The following GPC5 variants were observed in gnomAD, a reference collection of about 807,000 sequenced individuals.
GPC5 encodes the protein glypican-5.
Under a neutral mutation model 53.9 loss-of-function variants are expected in GPC5, and 47 were observed. That is an observed-to-expected ratio of 0.87 (90% confidence interval 0.69 to 1.11). The LOEUF is 1.11. Among genes scored for constraint, GPC5 ranks in the 50% most tolerant of loss-of-function variants. The pLI, the probability that GPC5 is intolerant of heterozygous loss-of-function variation, is 0.00. For missense variants in GPC5, 748 were observed against 713.1 expected, an observed-to-expected ratio of 1.05 and a Z score of -0.56; for synonymous variants, 286 against 263.3, an observed-to-expected ratio of 1.09 and a Z score of -0.84.
chr13:92,483,004 A>AT (rs1879415518), intron 7 of GPC5, among the ~76,000 whole-genome samples: 1 of 152,188 alleles, frequency 6.6e-6, no homozygotes, highest in Non-Finnish European at 1.5e-5. Flanking sequence ...CACGTCTTAC[A>AT]TGGCAGCAGG....
At chr13:91,679,182 T>TTTAC (rs1177859542) in intron 2 of GPC5, among the ~76,000 whole-genome samples, 1 of 151,956 alleles carries the variant, frequency 6.6e-6, no homozygotes, top group East Asian at 1.9e-4. Context: ...TATTTATTTA[T>TTTAC]TTATTTATTT....
intron 6 of GPC5, among the ~76,000 whole-genome samples, chr13:91,908,670 A>T (rs1355106430): frequency 6.6e-6 from 1 of 152,094 alleles, no homozygotes; most frequent in Non-Finnish European, 1.5e-5. Flanking sequence ...GTAATATTTC[A>T]CTGAAATAGT....
chr13:91,569,728 C>T (rs551383095), intron 2 of GPC5, among the ~76,000 whole-genome samples: 16 of 152,070 alleles, frequency 1.1e-4, no homozygotes, highest in Non-Finnish European at 2.2e-4. Flanking sequence ...AGTACCTCTC[C>T]CTTCATGAAT....
At chr13:92,607,252 T>C (rs1484994561) in intron 7 of GPC5, among the ~76,000 whole-genome samples, 2 of 152,210 alleles carry the variant, frequency 1.3e-5, no homozygotes, top group Admixed American at 6.5e-5. Context: ...CTCTCTTTCC[T>C]GTTTTACCCT....
intron 7 of GPC5, among the ~76,000 whole-genome samples, chr13:92,508,197 C>T (rs977028517): frequency 2.6e-5 from 4 of 152,132 alleles, no homozygotes; most frequent in Non-Finnish European, 5.9e-5. Flanking sequence ...CCCATGACTT[C>T]GTGATCTTCC....
intron 6 of GPC5, among the ~76,000 whole-genome samples, chr13:92,005,542 A>T (rs2040599015): frequency 6.6e-6 from 1 of 152,098 alleles, no homozygotes. Context: ...TCCTCCTCTT[A>T]TCCCTAATTT....
At chr13:92,862,499 C>A (rs1879211831) in intron 7 of GPC5, among the ~76,000 whole-genome samples, 1 of 151,898 alleles carries the variant, frequency 6.6e-6, no homozygotes. Flanking sequence ...GTACTCTCAC[C>A]ATTGGAATGG....
intron 7 of GPC5, among the ~76,000 whole-genome samples, chr13:92,162,442 G>C (rs2041996793): frequency 6.6e-6 from 1 of 152,188 alleles, no homozygotes; most frequent in African/African-American, 2.4e-5. Context: ...GGGAAAAGCA[G>C]ATCTTGTGGG....
At chr13:91,788,558 G>A (rs1240014193) in intron 5 of GPC5, among the ~76,000 whole-genome samples, 1 of 152,156 alleles carries the variant, frequency 6.6e-6, no homozygotes, top group Non-Finnish European at 1.5e-5. Flanking sequence ...AATCCTTGAT[G>A]GGGAATCCAG....
At chr13:91,974,398 G>C (rs1056000439) in intron 6 of GPC5, among the ~76,000 whole-genome samples, 3 of 152,096 alleles carry the variant, frequency 2.0e-5, no homozygotes, top group African/African-American at 7.2e-5. Flanking sequence ...ATCTCCTTAA[G>C]CTGATAAGCA....
At chr13:91,898,434 T>C (rs573332122) in intron 5 of GPC5, among the ~76,000 whole-genome samples, 1 of 152,310 alleles carries the variant, frequency 6.6e-6, no homozygotes, top group Non-Finnish European at 1.5e-5. Context: ...TTTCCTTCCC[T>C]AGGTCTTCGC....
At chr13:92,138,471 G>T (rs2041802946) in intron 6 of GPC5, among the ~76,000 whole-genome samples, 1 of 151,172 alleles carries the variant, frequency 6.6e-6, no homozygotes, top group Non-Finnish European at 1.5e-5. Flanking sequence ...AGTGAGCCGA[G>T]ATCACACCGC....
chr13:92,496,745 T>C (rs1879995138), intron 7 of GPC5, among the ~76,000 whole-genome samples: 1 of 152,158 alleles, frequency 6.6e-6, no homozygotes, highest in African/African-American at 2.4e-5. Flanking sequence ...AGGAGAGGTC[T>C]CATGAGTTCC....
At chr13:92,482,365 CTA>C (rs1879390753) in intron 7 of GPC5, among the ~76,000 whole-genome samples, 1 of 152,134 alleles carries the variant, frequency 6.6e-6, no homozygotes, top group Non-Finnish European at 1.5e-5. Flanking sequence ...CCACTCGCCC[CTA>C]TCTTATTTTT....
intron 7 of GPC5, among the ~76,000 whole-genome samples, chr13:92,697,045 C>T (rs1042271787): frequency 6.6e-6 from 1 of 151,568 alleles, no homozygotes; most frequent in Non-Finnish European, 1.5e-5. Flanking sequence ...CTGTTCTGTT[C>T]CATTGGTCTA....
At chr13:92,086,109 T>G (rs2041334048) in intron 6 of GPC5, among the ~76,000 whole-genome samples, 1 of 152,200 alleles carries the variant, frequency 6.6e-6, no homozygotes, top group Non-Finnish European at 1.5e-5. Context: ...AGGAGTCACC[T>G]AAGTTATCTG....
intron 7 of GPC5, among the ~76,000 whole-genome samples, chr13:92,755,187 G>A (rs201211885): frequency 2.8e-4 from 39 of 138,688 alleles, no homozygotes; most frequent in Non-Finnish European, 5.4e-4. Context: ...ACTCAAAGCC[G>A]CTCAACTACA....
chr13:91,572,021 ACG>A (rs1395849108), intron 2 of GPC5, among the ~76,000 whole-genome samples: 1 of 132,332 alleles, frequency 7.6e-6, no homozygotes, highest in Non-Finnish European at 1.6e-5. Flanking sequence ...ATATGCATAT[ACG>A]TGTGTATATA....
intron 5 of GPC5, among the ~76,000 whole-genome samples, chr13:91,898,195 T>A (rs2039463255): frequency 6.6e-6 from 1 of 152,216 alleles, no homozygotes; most frequent in South Asian, 2.1e-4. Context: ...TGTACTTACA[T>A]CTTTAAAAGT....
Sources: gnomAD v4.1 joint callset for allele counts (sites outside exome capture counted in the v4.1 genomes callset) on GRCh38, gnomAD v4.1.1 for gene constraint, MANE v1.5 for transcripts, NCBI Gene and HGNC (gene_info 2026-07-23, HGNC 2026-07-21) for gene names.